Variants in CNTNAP5 observed in about 807,000 individuals in gnomAD.
CNTNAP5 encodes the protein contactin associated protein family member 5.
CNTNAP5 carries 72 observed loss-of-function variants against 150.2 expected under a neutral mutation model. That is an observed-to-expected ratio of 0.48 (90% CI 0.40 to 0.58). The LOEUF (loss-of-function observed/expected upper bound fraction) is 0.58. Ranked by LOEUF, CNTNAP5 falls within the 20% of genes least tolerant of loss-of-function variation. The probability of loss-of-function intolerance (pLI) is 0.00; values close to 1 mark genes in which losing one functional copy is unlikely to be tolerated. For missense variants in CNTNAP5, 1,636 were observed against 1,626.2 expected (o/e 1.01, Z -0.10); for synonymous variants, 672 against 619.8 (o/e 1.08, Z -1.25).
At chr2:124,779,335 T>C (rs1175534996) in intron 17 of CNTNAP5, among the ~76,000 whole-genome samples, 2 of 152,228 alleles carry the variant, frequency 1.3e-5, no homozygotes, top group African/African-American at 4.8e-5. Context: ...TGTTGGGCCT[T>C]TACCATAGTT....
chr2:124,129,646 C>T (rs899973352), intron 1 of CNTNAP5, among the ~76,000 whole-genome samples: 1 of 152,140 alleles, frequency 6.6e-6, no homozygotes, highest in Non-Finnish European at 1.5e-5. Context: ...TAAATATTTC[C>T]TAGTGCACAA....
At position 124,763,686 on chromosome 2, in the gene CNTNAP5, G is replaced by C; in HGVS notation, c.2249G>C (p.Gly750Ala). The part of the protein sequence containing the change: ...ADKDEWTNDT[G>A]FLSFKDHLPV... ...ATGTTTTGCAGGACAAATGATACTG[G>C]CTTTCTTTCCTTCAAAGACCACTTG... The change falls in exon 15 of 24, where the codon GGC becomes GCC. Residue 750 changes from glycine (G) to alanine (A), a missense_variant. By Grantham distance (60) the Gly-to-Ala change is moderately conservative (BLOSUM62 0). Coordinates refer to ENST00000682447, the MANE Select transcript of CNTNAP5 (RefSeq NM_001367498.1). The C allele has an allele frequency of 1.2e-6, 2 of 1,612,242 alleles. No individual in the cohort carries two copies. Among genetic ancestry groups the C allele is most frequent in the Non-Finnish European group, 8.5e-7 (1 of 1,179,018 alleles).
chr2:124,446,962 C>T, intron 6 of CNTNAP5, 25 bp downstream of exon 6: 1 of 1,598,976 alleles, frequency 6.3e-7, no homozygotes, highest in Non-Finnish European at 8.5e-7. Flanking sequence ...CTTCCTGCAC[C>T]TCCTCGGCCC....
At chr2:124,886,391 G>GT (rs1237315137) in intron 21 of CNTNAP5, among the ~76,000 whole-genome samples, 1 of 152,030 alleles carries the variant, frequency 6.6e-6, no homozygotes, top group African/African-American at 2.4e-5. Flanking sequence ...ACATCTCTTG[G>GT]TTGCAAATCT....
chr2:124,798,146 G>A lies in CNTNAP5; in HGVS notation c.3043G>A (p.Glu1015Lys). The change falls in exon 19 of 24, where the codon GAA becomes AAA. Residue 1015 changes from glutamate to lysine, a missense_variant. Glu to Lys is a moderately conservative substitution (Grantham distance 56, BLOSUM62 1). Transcript: ENST00000682447. ...AGTSVTYMFQ[E>K]PYPVTKNISL... Reference sequence around the variant, plus strand: ...CACGTCGGTTACTTACATGTTTCAAGAACCCTATCCTGTGACCAAGAATAT... The same window carrying A: ...CACGTCGGTTACTTACATGTTTCAAAAACCCTATCCTGTGACCAAGAATAT... 6.2e-7 allele frequency: 1 copy of A among 1,613,564 alleles called. No homozygotes were observed. The highest frequency in any genetic ancestry group is 8.5e-7 in the Non-Finnish European group (1 of 1,179,718).
At chr2:124,304,080 G>T (rs773155641) in intron 3 of CNTNAP5, among the ~76,000 whole-genome samples, 13 of 152,036 alleles carry the variant, frequency 8.6e-5, no homozygotes, top group Non-Finnish European at 1.5e-4. Context: ...TTAATGCCAG[G>T]AACTATGCTA....
chr2:124,790,217 C>G (rs150086930), intron 18 of CNTNAP5, 76 bp downstream of exon 18: 3 of 1,433,336 alleles, frequency 2.1e-6, no homozygotes, highest in African/African-American at 2.8e-5. Flanking sequence ...ATGTGATACT[C>G]ACACTCTGAG....
In CNTNAP5 at chr2:124,563,209, T is replaced by C; in HGVS notation, c.1650-8T>C. The C allele has an allele frequency of 6.4e-7, 1 of 1,551,240 alleles. No homozygotes were observed. The highest frequency in any genetic ancestry group is 8.8e-7 in the Non-Finnish European group (1 of 1,136,606). On this transcript the variant is annotated splice_polypyrimidine_tract_variant and splice_region_variant and intron_variant, in intron 10 of 23. Transcript: ENST00000682447. The stretch of plus-strand genomic sequence containing the variant: ...TATTTTCTTTTCATTTATGTTTTCT[T>C]CCATTAGGTGTTTGCCAAACTACTG...
chr2:124,136,915 G>A (rs1485986590), intron 1 of CNTNAP5, among the ~76,000 whole-genome samples: 1 of 152,166 alleles, frequency 6.6e-6, no homozygotes, highest in Non-Finnish European at 1.5e-5. Flanking sequence ...ATGCAGTCTT[G>A]TCTTTTTGGG....
chr2:124,744,258 A>C (rs528956254), intron 13 of CNTNAP5, among the ~76,000 whole-genome samples: 1 of 152,044 alleles, frequency 6.6e-6, no homozygotes, highest in Admixed American at 6.5e-5. Flanking sequence ...TAAGGGGTTT[A>C]CCCTTTCACT....
intron 3 of CNTNAP5, among the ~76,000 whole-genome samples, chr2:124,275,346 G>C (rs1035839479): frequency 1.3e-5 from 2 of 152,142 alleles, no homozygotes; most frequent in Middle Eastern, 3.4e-3. Context: ...CTAAATCTCA[G>C]TATCAGACCA....
At chr2:124,262,622 A>C (rs1057094008) in intron 3 of CNTNAP5, among the ~76,000 whole-genome samples, 1 of 152,070 alleles carries the variant, frequency 6.6e-6, no homozygotes, top group African/African-American at 2.4e-5. Flanking sequence ...TGGGTGGAGG[A>C]CAAAATAGAA....
chr2:124,661,015 T>A (rs1011356652), intron 13 of CNTNAP5, among the ~76,000 whole-genome samples: 6 of 151,796 alleles, frequency 4.0e-5, no homozygotes, highest in South Asian at 4.2e-4. Context: ...GAACAGAGCT[T>A]TCAGGACTAA....
chr2:124,602,374 A>G (rs1697007169), intron 11 of CNTNAP5, among the ~76,000 whole-genome samples: 1 of 150,984 alleles, frequency 6.6e-6, no homozygotes, highest in Admixed American at 6.6e-5. Flanking sequence ...TAAAGGCAAT[A>G]TCATGTAATT....
chr2:124,388,873 G>A (rs947726009), intron 3 of CNTNAP5, among the ~76,000 whole-genome samples: 3 of 151,980 alleles, frequency 2.0e-5, no homozygotes, highest in African/African-American at 4.8e-5. Flanking sequence ...GAGAGGCAAC[G>A]TTTCACCATG....
At chr2:124,778,015 A>C (rs1681363563) in intron 17 of CNTNAP5, among the ~76,000 whole-genome samples, 1 of 152,128 alleles carries the variant, frequency 6.6e-6, no homozygotes, top group Non-Finnish European at 1.5e-5. Flanking sequence ...GAAGAGCATC[A>C]TTTATGTGAA....
At chr2:124,634,661 C>T (rs1395931467) in intron 12 of CNTNAP5, among the ~76,000 whole-genome samples, 1 of 152,072 alleles carries the variant, frequency 6.6e-6, no homozygotes, top group African/African-American at 2.4e-5. Flanking sequence ...GCATGCACTA[C>T]CATGCCTGGC....
chr2:124,590,868 T>A (rs985765030), intron 11 of CNTNAP5, among the ~76,000 whole-genome samples: 7 of 152,210 alleles, frequency 4.6e-5, no homozygotes, highest in African/African-American at 1.7e-4. Flanking sequence ...AGGTGAGGTC[T>A]AAATAAAACT....
At chr2:124,694,403 A>T (rs1437561315) in intron 13 of CNTNAP5, among the ~76,000 whole-genome samples, 2 of 152,120 alleles carry the variant, frequency 1.3e-5, no homozygotes, top group Non-Finnish European at 2.9e-5. Flanking sequence ...GCCTGCATAG[A>T]GTCAAATACT....
Sources: allele counts gnomAD v4.1 joint callset (sites outside exome capture counted in the v4.1 genomes callset), GRCh38; gene constraint gnomAD v4.1.1; transcripts MANE v1.5; gene names NCBI Gene and HGNC (gene_info 2026-07-23, HGNC 2026-07-21).